GALNTL6: variants seen among roughly 807,000 people sequenced by gnomAD.
GALNTL6 encodes polypeptide N-acetylgalactosaminyltransferase like 6, also known as polypeptide N-acetylgalactosaminyltransferase-like 6.
GALNTL6 carries 46 observed loss-of-function variants against 73.7 expected under a neutral mutation model. That is an observed-to-expected ratio of 0.62 (90% CI 0.49 to 0.80). The LOEUF (loss-of-function observed/expected upper bound fraction) is 0.80. Ranked by LOEUF, GALNTL6 falls within the 30% of genes least tolerant of loss-of-function variation. The pLI is 0.00. For missense variants in GALNTL6, 604 were observed against 755.0 expected, an observed-to-expected ratio of 0.80 and a Z score of 2.34; for synonymous variants, 259 against 263.7, an observed-to-expected ratio of 0.98 and a Z score of 0.17.
chr4:172,461,299 G>A (rs1732605846), intron 5 of GALNTL6, among the ~76,000 whole-genome samples: 1 of 152,142 alleles, frequency 6.6e-6, no homozygotes, highest in South Asian at 2.1e-4. Context: ...AACCACCATG[G>A]CATGTGTGTA....
intron 4 of GALNTL6, among the ~76,000 whole-genome samples, chr4:172,333,530 A>G (rs1334402588): frequency 1.3e-5 from 2 of 152,186 alleles, no homozygotes; most frequent in African/African-American, 4.8e-5. Context: ...TATTCTTGAT[A>G]TTAGTCTCCT....
chr4:172,077,091 A>G (rs35568075), intron 2 of GALNTL6, among the ~76,000 whole-genome samples: 56,202 of 152,086 alleles, frequency 0.37, 11,136 homozygotes, highest in East Asian at 0.52. Flanking sequence ...TGTTAAACCT[A>G]TGGAACTGTG....
intron 2 of GALNTL6, among the ~76,000 whole-genome samples, chr4:171,918,976 G>A (rs772402747): frequency 6.6e-6 from 1 of 152,080 alleles, no homozygotes; most frequent in Non-Finnish European, 1.5e-5. Context: ...AGTACCAGGG[G>A]CTGTGGGGAG....
intron 2 of GALNTL6, among the ~76,000 whole-genome samples, chr4:171,969,926 C>A (rs1424859326): frequency 6.6e-6 from 1 of 152,056 alleles, no homozygotes; most frequent in African/African-American, 2.4e-5. Flanking sequence ...TGTGCCACCA[C>A]ACCTGGCAAT....
intron 4 of GALNTL6, among the ~76,000 whole-genome samples, chr4:172,315,558 A>AT (rs781185754): frequency 6.6e-6 from 1 of 152,118 alleles, no homozygotes; most frequent in Non-Finnish European, 1.5e-5. Context: ...GCCCTGGTTG[A>AT]TTTTTATATA....
At chr4:171,926,535 C>T (rs1055802552) in intron 2 of GALNTL6, among the ~76,000 whole-genome samples, 3 of 152,112 alleles carry the variant, frequency 2.0e-5, no homozygotes, top group Non-Finnish European at 4.4e-5. Flanking sequence ...ACACCTTCAA[C>T]TTTGCTAGGA....
intron 5 of GALNTL6, among the ~76,000 whole-genome samples, chr4:172,619,448 CATTATG>C (rs1394154491): frequency 6.6e-6 from 1 of 152,166 alleles, no homozygotes; most frequent in Non-Finnish European, 1.5e-5. Context: ...TTTTCCCCAA[CATTATG>C]ACTCTTGTGT....
intron 2 of GALNTL6, among the ~76,000 whole-genome samples, chr4:172,153,417 A>G (rs1229934589): frequency 6.6e-6 from 1 of 152,196 alleles, no homozygotes. Flanking sequence ...TTTTAATTTG[A>G]ATTAACATGC....
At chr4:172,660,862 G>T (rs79776856) in intron 5 of GALNTL6, among the ~76,000 whole-genome samples, 1 of 152,078 alleles carries the variant, frequency 6.6e-6, no homozygotes, top group Non-Finnish European at 1.5e-5. Context: ...AGCCAGCTCT[G>T]GTTGTTTAAA....
chr4:172,177,633 G>T (rs989060900), intron 2 of GALNTL6, among the ~76,000 whole-genome samples: 63 of 151,148 alleles, frequency 4.2e-4, no homozygotes, highest in Non-Finnish European at 4.4e-4. Flanking sequence ...GGTACAAATA[G>T]ATATCATTTT....
intron 2 of GALNTL6, among the ~76,000 whole-genome samples, chr4:172,163,474 T>A (rs955356178): frequency 3.3e-5 from 5 of 152,000 alleles, no homozygotes; most frequent in Non-Finnish European, 7.4e-5. Context: ...GATAAGGTTC[T>A]AAAGAAACAA....
At chr4:172,764,087 T>C (rs1169304277) in intron 5 of GALNTL6, among the ~76,000 whole-genome samples, 1 of 151,968 alleles carries the variant, frequency 6.6e-6, no homozygotes, top group African/African-American at 2.4e-5. Context: ...GCCTCCCAAG[T>C]AGCTGGGATT....
intron 2 of GALNTL6, among the ~76,000 whole-genome samples, chr4:171,971,901 G>T (rs1315130746): frequency 6.6e-6 from 1 of 152,128 alleles, no homozygotes; most frequent in Non-Finnish European, 1.5e-5. Context: ...ATGTGTGTGT[G>T]TGTGGTCTGG....
At chr4:171,943,530 T>C (rs1738612270) in intron 2 of GALNTL6, among the ~76,000 whole-genome samples, 1 of 152,194 alleles carries the variant, frequency 6.6e-6, no homozygotes, top group Non-Finnish European at 1.5e-5. Flanking sequence ...TATTTGTCTC[T>C]CTTACTTAAA....
chr4:172,563,896 T>C (rs74451265), intron 5 of GALNTL6, among the ~76,000 whole-genome samples: 2,463 of 152,316 alleles, frequency 0.016, 64 homozygotes, highest in African/African-American at 0.056. Context: ...GAACTTATAG[T>C]TCTCAAATGA....
chr4:172,839,343 G>A (rs1166758716), intron 7 of GALNTL6, among the ~76,000 whole-genome samples: 2 of 152,202 alleles, frequency 1.3e-5, no homozygotes, highest in Admixed American at 1.3e-4. Flanking sequence ...TGTAATGACA[G>A]TTACAGCCTT....
intron 2 of GALNTL6, among the ~76,000 whole-genome samples, chr4:172,078,177 G>A (rs983883059): frequency 1.7e-4 from 26 of 152,198 alleles, no homozygotes; most frequent in Admixed American, 1.7e-3. Flanking sequence ...ACCTCTACTA[G>A]GGCAGTGCAG....
At chr4:172,264,929 A>C (rs1738401118) in intron 3 of GALNTL6, among the ~76,000 whole-genome samples, 1 of 151,242 alleles carries the variant, frequency 6.6e-6, no homozygotes, top group African/African-American at 2.4e-5. Context: ...CACAAAAGAG[A>C]TGGAGGCTAC....
At position 173,021,504 on chromosome 4, in the gene GALNTL6, T is replaced by G; in HGVS notation, c.1517T>G (p.Ile506Ser). 1.2e-6 allele frequency: 2 copies of G among 1,614,168 alleles called. No homozygotes were observed. Among genetic ancestry groups the G allele is most frequent in the Non-Finnish European group, 1.7e-6 (2 of 1,180,010 alleles). The change falls in exon 12 of 13, where the codon ATT becomes AGT. Residue 506 changes from isoleucine to serine, a missense_variant. By Grantham distance (142) the Ile-to-Ser change is moderately radical. Coordinates refer to ENST00000506823, the MANE Select transcript of GALNTL6 (RefSeq NM_001034845.3). ...QLFTFGWRED[I>S]RPGEPLHTRK... ...TTTACCTTTGGATGGAGAGAAGATA[T>G]TCGACCCGGTGAGCCACTGCATACC...
Sources: allele counts gnomAD v4.1 joint callset (sites outside exome capture counted in the v4.1 genomes callset), GRCh38; gene constraint gnomAD v4.1.1; transcripts MANE v1.5; gene names NCBI Gene and HGNC (gene_info 2026-07-23, HGNC 2026-07-21).